QSOX1: variants seen among roughly 807,000 people sequenced by gnomAD.
QSOX1 encodes sulfhydryl oxidase 1.
A neutral mutation model predicts 76.1 loss-of-function variants in QSOX1; 40 were observed. The ratio of observed to expected loss-of-function variants is 0.53; its 90% CI spans 0.41 to 0.68. QSOX1 has a LOEUF of 0.68. QSOX1 is among the 30% of genes least tolerant of loss of function. QSOX1 has a pLI of 0.00. For missense variants in QSOX1, 931 were observed against 974.3 expected, an observed-to-expected ratio of 0.96 and a Z score of 0.59; for synonymous variants, 392 against 413.1, an observed-to-expected ratio of 0.95 and a Z score of 0.62.
In QSOX1 at chr1:180,200,718, C is replaced by A. The variant is rs555849187; in HGVS notation, c.*3681C>A. ...CCAAAATAAATACATTTGCCCTATT[C>A]TCCCAAATGGTGAGAGGTAGATCCA... On this transcript the variant is annotated 3_prime_UTR_variant, in exon 12 of 12. Transcript: ENST00000367602. The A allele has an allele frequency of 6.6e-6, 1 of 152,342 alleles. No individual in the cohort carries two copies. Among genetic ancestry groups the A allele is most frequent in the African/African-American group, 2.4e-5 (1 of 41,566 alleles). The allele number at this position is 152,342 out of a possible 1,614,324, so 9.4% of individuals were successfully genotyped here.
chr1:180,166,366 G>C, intron 1 of QSOX1, 125 bp from the exon 2 acceptor site: 1 of 719,318 alleles, frequency 1.4e-6, no homozygotes, highest in South Asian at 1.6e-5. Context: ...TGTGACCTTT[G>C]TCATAAGAGC....
At chr1:180,175,423 C>T (rs1662865163) in intron 3 of QSOX1, 57 bp downstream of exon 3, 1 of 1,570,854 alleles carries the variant, frequency 6.4e-7, no homozygotes, top group South Asian at 1.1e-5. Context: ...CCTCCCTCTT[C>T]ACCTGGGTTT....
At chr1:180,193,454 G>C (rs926187040) in intron 10 of QSOX1, among the ~76,000 whole-genome samples, 1 of 151,840 alleles carries the variant, frequency 6.6e-6, no homozygotes, top group African/African-American at 2.4e-5. Context: ...GGGTGCCAAC[G>C]TCCTGCTGCG....
At chr1:180,193,643 A>G (rs1232716859) in intron 10 of QSOX1, among the ~76,000 whole-genome samples, 1 of 112,712 alleles carries the variant, frequency 8.9e-6, no homozygotes, top group Non-Finnish European at 1.7e-5. Context: ...AGAGCAAGAA[A>G]GTGGGGCTGG....
intron 5 of QSOX1, among the ~76,000 whole-genome samples, chr1:180,181,036 C>T (rs189434532): frequency 3.3e-5 from 5 of 152,160 alleles, no homozygotes; most frequent in East Asian, 3.9e-4. Flanking sequence ...CTGTAGTGTA[C>T]GGTGCCGCAT....
intron 2 of QSOX1, 25 bp from the exon 3 acceptor site, chr1:180,175,296 T>C (rs376533802): frequency 2.0e-5 from 32 of 1,613,506 alleles, no homozygotes; most frequent in Non-Finnish European, 2.2e-5. Context: ...CTATTACTGA[T>C]GCCCACCTGT....
At chr1:180,177,897 T>C (rs1389267814) in intron 4 of QSOX1, among the ~76,000 whole-genome samples, 1 of 140,616 alleles carries the variant, frequency 7.1e-6, no homozygotes, top group African/African-American at 2.6e-5. Context: ...TTGTTTTGTT[T>C]TGGAAACTGG....
At position 180,198,426 on chromosome 1, in the gene QSOX1, C is replaced by A. The variant is rs1663560024; in HGVS notation, c.*1389C>A. On this transcript the variant is annotated 3_prime_UTR_variant, in exon 12 of 12. Transcript: ENST00000367602. ...CAGGATTAGAGAGCCTGCCCCTAATCCGGCCTGCTGGGTTTTACAAGGATC... is the reference window on the plus strand; with the variant it reads ...CAGGATTAGAGAGCCTGCCCCTAATACGGCCTGCTGGGTTTTACAAGGATC... 2.2e-6 allele frequency: 1 copy of A among 455,718 alleles called. No homozygotes were observed. Among genetic ancestry groups the A allele is most frequent in the South Asian group, 1.5e-5 (1 of 64,560 alleles). 28.2% of individuals were successfully genotyped at this position (455,718 alleles called of 1,614,324 possible). A position where few individuals can be genotyped will look rare whatever the true frequency, so the allele number is the denominator to read the frequency against.
In QSOX1 at chr1:180,166,514, G is replaced by A. The variant is rs375407780; in HGVS notation, c.289G>A (p.Ala97Thr). ...AGCCTGGAGGCCGGCCCTGTATCTC[G>A]CCGCCCTGGACTGTGCTGAGGAGAC... ...VKAWRPALYL[A>T]ALDCAEETNS... Residue 97 changes from alanine to threonine, a missense_variant, in exon 2 of 12, where the codon GCC (alanine) becomes ACC (threonine). Ala to Thr is a moderately conservative substitution (Grantham distance 58, BLOSUM62 0). Coordinates refer to ENST00000367602, the MANE Select transcript of QSOX1 (RefSeq NM_002826.5). 19 of 1,613,844 alleles carry A rather than the reference G, an allele frequency of 1.2e-5. No individual in the cohort carries two copies. Among genetic ancestry groups the A allele is most frequent in the African/African-American group, 5.3e-5 (4 of 74,908 alleles).
Position 180,197,048 on chromosome 1 carries a change from G to A in QSOX1, c.*11G>A, listed in dbSNP as rs767279387. On this transcript the variant is annotated 3_prime_UTR_variant, in exon 12 of 12. Transcript: ENST00000367602. ...CACCCTGCAGCCTGAACCACCTGGG[G>A]AGGAGGCGGGAGAGGGAGCTGCCAT... 7 of 1,594,358 alleles carry A rather than the reference G, an allele frequency of 4.4e-6. No individual in the cohort carries two copies. Among genetic ancestry groups the A allele is most frequent in the Non-Finnish European group, 6.0e-6 (7 of 1,170,894 alleles).
At chr1:180,184,642 T>C (rs1164344619) in intron 7 of QSOX1, among the ~76,000 whole-genome samples, 1 of 152,200 alleles carries the variant, frequency 6.6e-6, no homozygotes, top group Non-Finnish European at 1.5e-5. Context: ...TTGCCTTTTC[T>C]GTTGTGGTTG....
intron 1 of QSOX1, among the ~76,000 whole-genome samples, chr1:180,163,128 CT>C: frequency 6.8e-6 from 1 of 147,034 alleles, no homozygotes; most frequent in South Asian, 2.2e-4. Context: ...GATATTAAGG[CT>C]CATCAAAAAA....
intron 4 of QSOX1, 29 bp from the exon 5 acceptor site, chr1:180,178,765 A>C (rs763206140): frequency 6.3e-7 from 1 of 1,596,950 alleles, no homozygotes; most frequent in Non-Finnish European, 8.6e-7. Context: ...CTGGCTGTGC[A>C]GAGTGACTGC....
chr1:180,159,147 A>G (rs1281119771), intron 1 of QSOX1, among the ~76,000 whole-genome samples: 1 of 152,114 alleles, frequency 6.6e-6, no homozygotes, highest in Non-Finnish European at 1.5e-5. Context: ...CAGCTGTCCA[A>G]CTTCTCTTGC....
At position 180,196,474 on chromosome 1, in the gene QSOX1, G is replaced by A. The variant is rs778712755; in HGVS notation, c.1681G>A (p.Ala561Thr). The change falls in exon 12 of 12, where the codon GCC becomes ACC. Residue 561 changes from alanine (A) to threonine (T), a missense_variant. Transcript: ENST00000367602. This position sits in a 1 kb window ranked among gnomAD's most constrained non-coding sequence, Gnocchi z 4.1. ...ARRDVQNVAA[A>T]PELAMGALEL... ...GAGGGATGTGCAGAATGTGGCAGCCGCCCCAGAGCTGGCGATGGGAGCCCT... is the reference window on the plus strand; with the variant it reads ...GAGGGATGTGCAGAATGTGGCAGCCACCCCAGAGCTGGCGATGGGAGCCCT... 7.4e-6 allele frequency: 12 copies of A among 1,613,790 alleles called. No homozygotes were observed. The highest frequency in any genetic ancestry group is 5.5e-5 in the South Asian group (5 of 91,076).
At chr1:180,178,935 G>A in intron 5 of QSOX1, 51 bp downstream of exon 5, 2 of 1,529,290 alleles carry the variant, frequency 1.3e-6, no homozygotes, top group Non-Finnish European at 1.8e-6. Flanking sequence ...TGGAGAGAGA[G>A]CCCCAGTTTG....
At chr1:180,161,146 G>A (rs1479990198) in intron 1 of QSOX1, among the ~76,000 whole-genome samples, 1 of 152,092 alleles carries the variant, frequency 6.6e-6, no homozygotes, top group Non-Finnish European at 1.5e-5. Context: ...GGATGACAGA[G>A]CAAGACTCCA....
rs1050487918 is a variant in QSOX1 at position 180,203,099 on chromosome 1, ATAAAG to A, written c.*6068_*6072del. The A allele has an allele frequency of 4.7e-4, 71 of 152,188 alleles. 2 individuals are homozygous for A. Among genetic ancestry groups the A allele is most frequent in the East Asian group, 1.9e-4 (1 of 5,202 alleles). 9.4% of individuals were successfully genotyped at this position (152,188 alleles called of 1,614,324 possible). A position where few individuals can be genotyped will look rare whatever the true frequency, so the allele number is the denominator to read the frequency against. ...AAAATAAAAAAATAAAAATAAAAAA[ATAAAG>A]TAAAGCTACATATTTAAAAGCTGGG... On this transcript the variant is annotated 3_prime_UTR_variant, in exon 12 of 12. Transcript: ENST00000367602.
At chr1:180,171,923 A>C (rs1662767866) in intron 2 of QSOX1, among the ~76,000 whole-genome samples, 1 of 152,234 alleles carries the variant, frequency 6.6e-6, no homozygotes, top group Admixed American at 6.5e-5. Context: ...AGGCAGTAAT[A>C]ACATCTGTAC....
Sources: gnomAD v4.1 joint callset for allele counts (sites outside exome capture counted in the v4.1 genomes callset) on GRCh38, gnomAD v4.1.1 for gene constraint, Gnocchi (gnomAD v3.1) non-coding constraint, MANE v1.5 for transcripts, NCBI Gene and HGNC (gene_info 2026-07-23, HGNC 2026-07-21) for gene names.